CDK5RAP2: variants seen among roughly 807,000 people sequenced by gnomAD.
CDK5RAP2 encodes CDK5 regulatory subunit associated protein 2.
A neutral mutation model predicts 232.9 loss-of-function variants in CDK5RAP2; 147 were observed. The observed-to-expected ratio is 0.63, with a 90% confidence interval of 0.55 to 0.72. The LOEUF (loss-of-function observed/expected upper bound fraction) is 0.72. Ranked by LOEUF, CDK5RAP2 falls within the 30% of genes least tolerant of loss-of-function variation. CDK5RAP2 has a pLI of 0.00. For synonymous variants in CDK5RAP2, 833 were observed against 833.7 expected, an observed-to-expected ratio of 1.00 and a Z score of 0.01; for missense variants, 2,195 against 2,231.5, an observed-to-expected ratio of 0.98 and a Z score of 0.33.
At chr9:120,420,066 AT>A in intron 26 of CDK5RAP2, 106 bp from the exon 27 acceptor site, 1 of 878,834 alleles carries the variant, frequency 1.1e-6, no homozygotes, top group East Asian at 2.5e-5. Flanking sequence ...TAACTCCCCA[AT>A]GTTTGCAACT....
At chr9:120,537,506 G>A (rs904204818) in intron 6 of CDK5RAP2, among the ~76,000 whole-genome samples, 1 of 152,102 alleles carries the variant, frequency 6.6e-6, no homozygotes, top group Admixed American at 6.5e-5. Context: ...CTAAATGCCA[G>A]GCTCTGAGCA....
intron 25 of CDK5RAP2, among the ~76,000 whole-genome samples, chr9:120,427,019 G>A (rs1230312236): frequency 6.6e-6 from 1 of 152,160 alleles, no homozygotes; most frequent in East Asian, 1.9e-4. Context: ...TCCCTTAGCT[G>A]AGGGAAGGGT....
intron 12 of CDK5RAP2, among the ~76,000 whole-genome samples, chr9:120,509,847 C>T (rs929401316): frequency 6.6e-6 from 1 of 152,180 alleles, no homozygotes; most frequent in Non-Finnish European, 1.5e-5. Flanking sequence ...GGACTCCAAA[C>T]CAGTTTGACT....
chr9:120,559,933 A>G (rs1199369876), intron 3 of CDK5RAP2, among the ~76,000 whole-genome samples: 1 of 152,178 alleles, frequency 6.6e-6, no homozygotes, highest in African/African-American at 2.4e-5. Context: ...GTTCCATCTA[A>G]AAGGGAAGAA....
At chr9:120,471,221 T>C (rs1321586549) in intron 16 of CDK5RAP2, among the ~76,000 whole-genome samples, 1 of 152,214 alleles carries the variant, frequency 6.6e-6, no homozygotes, top group Non-Finnish European at 1.5e-5. Flanking sequence ...GCTTAAGTTC[T>C]ACCAGGGGAG....
intron 12 of CDK5RAP2, among the ~76,000 whole-genome samples, chr9:120,518,211 G>GTGAC (rs1554770754): frequency 5.7e-3 from 180 of 31,612 alleles, no homozygotes; most frequent in Admixed American, 9.5e-3. Flanking sequence ...GTGTGTGTGT[G>GTGAC]AGAGAGAGAG....
At chr9:120,401,610 CAAAAAA>C (rs142588120) in intron 34 of CDK5RAP2, among the ~76,000 whole-genome samples, 8 of 61,532 alleles carry the variant, frequency 1.3e-4, no homozygotes, top group East Asian at 5.3e-4. Flanking sequence ...GACCCTGTCT[CAAAAAA>C]AAAAAAAAAA....
intron 15 of CDK5RAP2, among the ~76,000 whole-genome samples, chr9:120,473,258 G>C (rs1334338845): frequency 6.6e-6 from 1 of 152,128 alleles, no homozygotes. Flanking sequence ...TTCTTTTTTA[G>C]ATACCAAGAG....
At chr9:120,495,039 C>A (rs2039111076) in intron 12 of CDK5RAP2, among the ~76,000 whole-genome samples, 4 of 108,368 alleles carry the variant, frequency 3.7e-5, no homozygotes, top group Admixed American at 8.6e-5. Context: ...GCCGCCGCGC[C>A]GGCGAGCGCC....
At chr9:120,579,514 T>A (rs1400535722) in intron 1 of CDK5RAP2, among the ~76,000 whole-genome samples, 1 of 152,032 alleles carries the variant, frequency 6.6e-6, no homozygotes, top group Non-Finnish European at 1.5e-5. Context: ...AAAAGCAAAG[T>A]CTGGGCATAC....
At position 120,527,963 on chromosome 9, in the gene CDK5RAP2, G is replaced by A. The variant is rs376930253; in HGVS notation, c.880-38C>T. 5.5e-5 allele frequency: 89 copies of A among 1,611,168 alleles called. No individual in the cohort carries two copies. The African/African-American group carries it at 9.6e-4, about 17-fold the overall frequency. On this transcript the variant is annotated intron_variant, in intron 9 of 37. Coordinates refer to ENST00000349780, the MANE Select transcript of CDK5RAP2 (RefSeq NM_018249.6). ...AGAAAAAGATTCACTAAGTTGATGC[G>A]TTCCAACCAAAATGCACCATAAATA...
At chr9:120,484,464 G>A (rs1268373226) in intron 14 of CDK5RAP2, among the ~76,000 whole-genome samples, 1 of 152,156 alleles carries the variant, frequency 6.6e-6, no homozygotes, top group Non-Finnish European at 1.5e-5. Flanking sequence ...GCTCATGCCT[G>A]TAATCCCAGC....
chr9:120,423,265 T>C (rs2034680892), intron 25 of CDK5RAP2, among the ~76,000 whole-genome samples: 2 of 152,252 alleles, frequency 1.3e-5, no homozygotes, highest in Admixed American at 1.3e-4. Context: ...TATTCCACTG[T>C]AGGCATGCAT....
intron 7 of CDK5RAP2, among the ~76,000 whole-genome samples, chr9:120,534,085 T>C (rs569460715): frequency 2.6e-5 from 4 of 152,290 alleles, no homozygotes; most frequent in African/African-American, 9.6e-5. Context: ...AAATCTGATC[T>C]TGTCATTCCC....
intron 15 of CDK5RAP2, among the ~76,000 whole-genome samples, chr9:120,472,652 G>A (rs1056811971): frequency 2.6e-5 from 4 of 152,204 alleles, no homozygotes; most frequent in African/African-American, 9.7e-5. Context: ...CATAGTATGA[G>A]TGGATTTTTA....
Position 120,550,866 on chromosome 9 carries a change from T to C in CDK5RAP2, c.232A>G (p.Lys78Glu), listed in dbSNP as rs1446572365. The change falls in exon 4 of 38, where the codon AAG becomes GAG. Residue 78 changes from lysine to glutamate, a missense_variant. Coordinates refer to ENST00000349780, the MANE Select transcript of CDK5RAP2 (RefSeq NM_018249.6). ...TELKKENFNL[K>E]LRIYFLEERM... ...TCCTCAAGGAAATAGATGCGGAGCT[T>C]TAGGTTAAAGTTTTCTTTCTTCAAT... is the stretch of plus-strand genomic sequence containing the variant. 6.2e-7 allele frequency: 1 copy of C among 1,613,198 alleles called. No homozygotes were observed. The highest frequency in any genetic ancestry group is 1.1e-5 in the South Asian group (1 of 91,060).
intron 12 of CDK5RAP2, among the ~76,000 whole-genome samples, chr9:120,512,048 T>A (rs950541638): frequency 2.0e-5 from 3 of 152,036 alleles, no homozygotes; most frequent in Non-Finnish European, 4.4e-5. Context: ...ACAATGTGCA[T>A]TTTTATATAC....
chr9:120,531,675 T>C (rs753021399), intron 7 of CDK5RAP2, among the ~76,000 whole-genome samples: 2 of 152,222 alleles, frequency 1.3e-5, no homozygotes, highest in Non-Finnish European at 2.9e-5. Context: ...GAATAGCCTT[T>C]CTGCAGCTAA....
At chr9:120,499,508 C>T (rs1476990303) in intron 12 of CDK5RAP2, among the ~76,000 whole-genome samples, 1 of 152,016 alleles carries the variant, frequency 6.6e-6, no homozygotes, top group East Asian at 1.9e-4. Flanking sequence ...ACTAAGCAGA[C>T]ACTACATTCA....
Sources: gnomAD v4.1 joint callset for allele counts (sites outside exome capture counted in the v4.1 genomes callset) on GRCh38, gnomAD v4.1.1 for gene constraint, MANE v1.5 for transcripts, NCBI Gene and HGNC (gene_info 2026-07-23, HGNC 2026-07-21) for gene names.